The following ETV1 variants were observed in gnomAD, a reference collection of about 807,000 sequenced individuals.
ETV1 encodes ETS translocation variant 1.
In ETV1, 27 loss-of-function variants were observed where a neutral mutation model predicts 62.3. The observed-to-expected ratio is 0.43, with a 90% CI of 0.32 to 0.60. ETV1 has a LOEUF of 0.60. Among genes scored for constraint, ETV1 ranks in the 20% least tolerant of loss-of-function variants. ETV1 has a pLI of 0.06. For synonymous variants in ETV1, 222 were observed against 199.6 expected, an observed-to-expected ratio of 1.11 and a Z score of -0.94; for missense variants, 605 against 605.8, an observed-to-expected ratio of 1.00 and a Z score of 0.01.
Position 13,892,630 on chromosome 7 carries a change from C to T in ETV1, c.*3236G>A. 4.3e-6 allele frequency: 1 copy of T among 232,398 alleles called. No homozygotes were observed. The highest frequency in any genetic ancestry group is 8.5e-6 in the Non-Finnish European group (1 of 117,542). The allele number at this position is 232,398 out of a possible 1,614,324, so 14.4% of individuals were successfully genotyped here. On this transcript the variant is annotated 3_prime_UTR_variant, in exon 14 of 14. Transcript: ENST00000430479. ...CTAGCCAAAGGGACTTGGCACACGT[C>T]ATTAAGTTAAGGATCTTGAGATGGA...
intron 6 of ETV1, among the ~76,000 whole-genome samples, chr7:13,945,948 G>A (rs766620011): frequency 7.2e-5 from 11 of 152,274 alleles, no homozygotes; most frequent in Admixed American, 5.2e-4. Flanking sequence ...CGTTGAACAC[G>A]GCTCCAGCCT....
chr7:13,988,711 GC>G (rs750937248), intron 3 of ETV1: 29 of 1,612,114 alleles, frequency 1.8e-5, no homozygotes, highest in Admixed American at 3.3e-5. Context: ...GACAAACCCA[GC>G]CAAAAACTTT....
At chr7:13,955,534 A>G (rs536103422) in intron 6 of ETV1, among the ~76,000 whole-genome samples, 3 of 152,334 alleles carry the variant, frequency 2.0e-5, no homozygotes, top group African/African-American at 7.2e-5. Flanking sequence ...TACAACAAGA[A>G]GCAAACAAGC....
chr7:13,901,841 C>A (rs1323416898), intron 12 of ETV1, among the ~76,000 whole-genome samples: 2 of 152,092 alleles, frequency 1.3e-5, no homozygotes, highest in Non-Finnish European at 2.9e-5. Context: ...ATCTCTAAAG[C>A]AGAATGTCTA....
intron 6 of ETV1, among the ~76,000 whole-genome samples, chr7:13,971,780 C>T (rs150321988): frequency 1.3e-4 from 20 of 152,148 alleles, no homozygotes; most frequent in Middle Eastern, 3.4e-3. Context: ...AACTTTGTTA[C>T]GAAGAACAAA....
chr7:13,915,541 C>T (rs1180135082), intron 9 of ETV1, among the ~76,000 whole-genome samples: 2 of 152,106 alleles, frequency 1.3e-5, no homozygotes, highest in Non-Finnish European at 2.9e-5. Context: ...TACTTCTTCT[C>T]ATTTGCTGGT....
At chr7:13,934,390 G>GA (rs920174529) in intron 8 of ETV1, among the ~76,000 whole-genome samples, 2 of 152,178 alleles carry the variant, frequency 1.3e-5, no homozygotes, top group Admixed American at 6.5e-5. Context: ...TGAGTCCCAT[G>GA]AAAAAACCTA....
At position 13,931,544 on chromosome 7, in the gene ETV1, G is replaced by A; in HGVS notation, c.760C>T (p.Leu254=). 6.2e-7 allele frequency: 1 copy of A among 1,614,052 alleles called. No homozygotes were observed. The highest frequency in any genetic ancestry group is 8.5e-7 in the Non-Finnish European group (1 of 1,179,888). Residue 254 remains leucine (L), a synonymous_variant, in exon 9 of 14, where the codon CTG becomes TTG. Coordinates refer to ENST00000430479, the MANE Select transcript of ETV1 (RefSeq NM_004956.5). ...TCTCTGGGTTCCTGTTTAATCATCA[G>A]AGGAGGGGGAAAGCTTTGGCTGGCC... ...SAASQSFPPP[L]MIKQEPRDFA...
chr7:13,907,773 G>A, intron 11 of ETV1: 1 of 464,282 alleles, frequency 2.2e-6, no homozygotes, highest in Non-Finnish European at 4.5e-6. Context: ...AGACCAAATT[G>A]CACACTTTCT....
At chr7:13,988,595 G>GAAAAAAAAAAAAAAAAAAAAAAAAAAA in intron 3 of ETV1, 2 of 810,096 alleles carry the variant, frequency 2.5e-6, no homozygotes, top group Admixed American at 8.5e-5. Flanking sequence ...GTAGAGAAAT[G>GAAAAAAAAAAAAAAAAAAAAAAAAAAA]AAAAAAAAAA....
chr7:13,967,584 C>G lies in ETV1; in HGVS notation c.235+9843G>C, dbSNP rs550333495. Among the ~76,000 whole-genome samples, 4 of 152,016 alleles carry G rather than the reference C, an allele frequency of 2.6e-5. No homozygotes were observed. In the South Asian group the frequency reaches 8.3e-4, roughly 32 times the overall value. On this transcript the variant is annotated intron_variant, in intron 6 of 13. Transcript: ENST00000430479. ...ATTTAAAAAAACAATAGCATCTAAC[C>G]AAAATTTTTACCTAGTAAGATACAG...
rs570554306 is a variant in ETV1 at position 13,988,436 on chromosome 7, T to C, written c.46-263A>G. ...TTACTATTTATCAATCATATATTCA[T>C]GGTATCTCAGCATCAAAACAACCTG... On this transcript the variant is annotated intron_variant, in intron 3 of 13. Coordinates refer to ENST00000430479, the MANE Select transcript of ETV1 (RefSeq NM_004956.5). The C allele has an allele frequency of 1.0e-5, 6 of 583,168 alleles. No homozygotes were observed. The East Asian group carries it at 1.4e-4, about 14-fold the overall frequency. 36.1% of individuals were successfully genotyped at this position (583,168 alleles called of 1,614,324 possible).
rs982733133 is a variant in ETV1 at position 13,891,700 on chromosome 7, T to C, written c.*4166A>G. The C allele has an allele frequency of 1.4e-4, 33 of 232,050 alleles. No homozygotes were observed. The highest frequency in any genetic ancestry group is 7.1e-4 in the African/African-American group (32 of 45,314). The allele number at this position is 232,050 out of a possible 1,614,324, so 14.4% of individuals were successfully genotyped here. A position where few individuals can be genotyped will look rare whatever the true frequency, so the allele number is the denominator to read the frequency against. The stretch of plus-strand genomic sequence containing the variant: ...TCATGCCCAACTATTACCATCTTTT[T>C]GAAACTTGATTTTTCCAATTCTTAG... On this transcript the variant is annotated 3_prime_UTR_variant, in exon 14 of 14. Transcript: ENST00000430479.
rs376325638 is a variant in ETV1 at position 13,977,478 on chromosome 7, G to C, written c.184C>G (p.Gln62Glu). ...QLQETWLAEAQVPDNDEQFVP... is the reference protein window; with the variant it reads ...QLQETWLAEAEVPDNDEQFVP... ...AACTGCTCATCATTGTCAGGTACCT[G>C]AGCTGAAGAAGAAAAAGAAAATTAA... is the stretch of plus-strand genomic sequence containing the variant. The change falls in exon 6 of 14, where the codon CAG becomes GAG. Residue 62 changes from glutamine (Q) to glutamate (E), a missense_variant and splice_region_variant. Transcript: ENST00000430479. The C allele has an allele frequency of 2.0e-6, 3 of 1,538,262 alleles. No homozygotes were observed. The highest frequency in any genetic ancestry group is 4.9e-5 in the East Asian group (2 of 40,628).
chr7:13,989,888 A>G, upstream of ETV1: 1 of 327,946 alleles, frequency 3.0e-6, no homozygotes, highest in Non-Finnish European at 5.5e-6. Flanking sequence ...TGGAAGCGCC[A>G]CGGAGAGACT....
intron 6 of ETV1, among the ~76,000 whole-genome samples, chr7:13,970,998 A>C (rs1240071076): frequency 6.6e-6 from 1 of 151,776 alleles, no homozygotes; most frequent in Admixed American, 6.6e-5. Flanking sequence ...TTGAGACAGA[A>C]TCTTACTCTG....
In ETV1 at chr7:13,894,136, T is replaced by C; in HGVS notation, c.*1730A>G. ...CGAAATGCTTTTACAATAGGTTTAT[T>C]TTGACTTTGTGTTTAGAATTTTTTT... On this transcript the variant is annotated 3_prime_UTR_variant, in exon 14 of 14. Transcript: ENST00000430479. 4.3e-6 allele frequency: 1 copy of C among 231,630 alleles called. No individual in the cohort carries two copies. Among genetic ancestry groups the C allele is most frequent in the Non-Finnish European group, 8.5e-6 (1 of 117,770 alleles). 14.3% of individuals were successfully genotyped at this position (231,630 alleles called of 1,614,324 possible). A position where few individuals can be genotyped will look rare whatever the true frequency, so the allele number is the denominator to read the frequency against.
At chr7:13,954,881 T>G (rs1288233280) in intron 6 of ETV1, among the ~76,000 whole-genome samples, 1 of 152,072 alleles carries the variant, frequency 6.6e-6, no homozygotes, top group Non-Finnish European at 1.5e-5. Context: ...GCTAGGAAAG[T>G]TTGCCCAAAA....
At chr7:13,917,880 C>T (rs1303884305) in intron 9 of ETV1, among the ~76,000 whole-genome samples, 5 of 151,844 alleles carry the variant, frequency 3.3e-5, no homozygotes, top group South Asian at 4.2e-4. Flanking sequence ...AGGAAAATGG[C>T]GTGAACCCGG....
Sources: allele counts gnomAD v4.1 joint callset (sites outside exome capture counted in the v4.1 genomes callset), GRCh38; gene constraint gnomAD v4.1.1; transcripts MANE v1.5; gene names NCBI Gene and HGNC (gene_info 2026-07-23, HGNC 2026-07-21).